HIVEP1: variants seen among roughly 807,000 people sequenced by gnomAD.
HIVEP1 encodes zinc finger protein 40.
Under a neutral mutation model 180.0 loss-of-function variants are expected in HIVEP1, and 36 were observed. The observed-to-expected ratio is 0.20, with a 90% CI of 0.15 to 0.26. The LOEUF is 0.26. Among genes scored for constraint, HIVEP1 ranks in the 10% least tolerant of loss-of-function variants. The pLI is 1.00. For synonymous variants in HIVEP1, 1,239 were observed against 1,239.0 expected (o/e 1.00, Z 0.00); for missense variants, 3,143 against 3,268.7 (o/e 0.96, Z 0.94).
At chr6:12,022,316 T>A (rs1349409638) in intron 2 of HIVEP1, among the ~76,000 whole-genome samples, 1 of 151,912 alleles carries the variant, frequency 6.6e-6, no homozygotes, top group Non-Finnish European at 1.5e-5. Flanking sequence ...GACTACAGGC[T>A]CCTGCCACCG....
At chr6:12,047,577 G>A (rs1770224063) in intron 2 of HIVEP1, among the ~76,000 whole-genome samples, 1 of 152,252 alleles carries the variant, frequency 6.6e-6, no homozygotes, top group Non-Finnish European at 1.5e-5. Flanking sequence ...CTGGAGCAGA[G>A]GTGCTACTCA....
chr6:12,037,964 G>T (rs751824279), intron 2 of HIVEP1: 19 of 386,422 alleles, frequency 4.9e-5, no homozygotes, highest in Non-Finnish European at 7.8e-5. Context: ...AACCTCCTGT[G>T]TTGGCCCCCC....
the HIVEP1 span, among the ~76,000 whole-genome samples, chr6:12,186,767 C>T: frequency 0.018 from 2,666 of 151,874 alleles, 96 homozygotes; most frequent in African/African-American, 0.061. Context: ...GACCAAATAC[C>T]CAGGAGAAAA....
At chr6:12,141,134 C>T (rs1455907387) in intron 7 of HIVEP1, among the ~76,000 whole-genome samples, 1 of 152,060 alleles carries the variant, frequency 6.6e-6, no homozygotes, top group Non-Finnish European at 1.5e-5. Flanking sequence ...GTCGGGTCAC[C>T]CACAAAGGGA....
chr6:12,076,240 G>A (rs1303307971), intron 2 of HIVEP1, among the ~76,000 whole-genome samples: 1 of 152,012 alleles, frequency 6.6e-6, no homozygotes, highest in East Asian at 1.9e-4. Flanking sequence ...TACATTTGTT[G>A]CCTAACATAT....
Position 12,122,575 on chromosome 6 carries a change from A to G in HIVEP1, c.2780A>G (p.His927Arg), listed in dbSNP as rs1465927826. 6.2e-7 allele frequency: 1 copy of G among 1,614,116 alleles called. No homozygotes were observed. Among genetic ancestry groups the G allele is most frequent in the African/African-American group, 1.3e-5 (1 of 74,942 alleles). The change falls in exon 4 of 9, where the codon CAT becomes CGT. Residue 927 changes from histidine (H) to arginine (R), a missense_variant. Transcript: ENST00000379388. ...QSLDESHQGC[H>R]AAGEAMSVRS... ...CTGGATGAGAGCCACCAAGGATGCC[A>G]TGCTGCTGGTGAAGCCATGTCAGTG...
intron 2 of HIVEP1, among the ~76,000 whole-genome samples, chr6:12,021,511 C>G (rs1373453887): frequency 6.6e-6 from 1 of 152,180 alleles, no homozygotes; most frequent in Non-Finnish European, 1.5e-5. Flanking sequence ...CAGACATGCC[C>G]TGGGTCTCCT....
chr6:12,120,329 A>G lies in HIVEP1; in HGVS notation c.534A>G (p.Glu178=), dbSNP rs370718464. 6.2e-7 allele frequency: 1 copy of G among 1,614,094 alleles called. No individual in the cohort carries two copies. Among genetic ancestry groups the G allele is most frequent in the African/African-American group, 1.3e-5 (1 of 74,936 alleles). ...LSSKTRTDNS[E]CISSHCGTTS... ...GTAAAACCAGGACTGACAATAGCGA[A>G]TGCATCTCTTCTCATTGTGGCACTA... Residue 178 remains glutamate (E), a synonymous_variant, in exon 4 of 9, where the codon GAA becomes GAG. Transcript: ENST00000379388.
chr6:12,050,588 A>G (rs1395312444), intron 2 of HIVEP1, among the ~76,000 whole-genome samples: 1 of 151,388 alleles, frequency 6.6e-6, no homozygotes, highest in Non-Finnish European at 1.5e-5. Context: ...TCCGTCTCAA[A>G]AAAAAAAAAA....
At chr6:12,051,075 C>T (rs1285404399) in intron 2 of HIVEP1, among the ~76,000 whole-genome samples, 2 of 140,628 alleles carry the variant, frequency 1.4e-5, no homozygotes, top group African/African-American at 5.2e-5. Context: ...TTTACTTCAC[C>T]TCTTGGATCT....
chr6:12,136,617 T>C (rs1247586301), intron 7 of HIVEP1, among the ~76,000 whole-genome samples: 1 of 152,246 alleles, frequency 6.6e-6, no homozygotes, highest in Non-Finnish European at 1.5e-5. Context: ...GTGCTTAACG[T>C]GTGCTCACCA....
chr6:12,211,947 A>T, the HIVEP1 span, among the ~76,000 whole-genome samples: 4 of 152,192 alleles, frequency 2.6e-5, no homozygotes, highest in African/African-American at 9.7e-5. Context: ...AAGCAAGATG[A>T]TATATAGCAA....
At chr6:12,043,503 A>G (rs1436893611) in intron 2 of HIVEP1, among the ~76,000 whole-genome samples, 1 of 151,830 alleles carries the variant, frequency 6.6e-6, no homozygotes, top group Non-Finnish European at 1.5e-5. Context: ...CTGGGATTAC[A>G]GGACAGGCTC....
the HIVEP1 span, among the ~76,000 whole-genome samples, chr6:12,190,098 A>T: frequency 0.24 from 36,325 of 152,066 alleles, 5,352 homozygotes; most frequent in Non-Finnish European, 0.33. Flanking sequence ...ACACATCTCT[A>T]CTCTTATCCT....
intron 4 of HIVEP1, among the ~76,000 whole-genome samples, chr6:12,129,346 CA>C (rs1393042718): frequency 6.6e-6 from 1 of 152,066 alleles, no homozygotes; most frequent in African/African-American, 2.4e-5. Context: ...ATTATTTTAC[CA>C]AAAGGAGTAG....
Position 12,121,064 on chromosome 6 carries a change from G to A in HIVEP1, c.1269G>A (p.Lys423=). The stretch of plus-strand genomic sequence containing the variant: ...GTGCAAAGCCTAGTGTGCTTTTAAA[G>A]CATATCCGCTCCCACACTGGAGAGC... The part of the protein sequence containing the change: ...RACAKPSVLL[K]HIRSHTGERP... The change falls in exon 4 of 9, where the codon AAG becomes AAA. Residue 423 remains lysine, a synonymous_variant. Coordinates refer to ENST00000379388, the MANE Select transcript of HIVEP1 (RefSeq NM_002114.4). The surrounding 1 kb of genome is among the most constrained non-coding windows in gnomAD (Gnocchi z 5.3). 1.2e-6 allele frequency: 2 copies of A among 1,614,192 alleles called. No homozygotes were observed. Among genetic ancestry groups the A allele is most frequent in the South Asian group, 2.2e-5 (2 of 91,090 alleles).
At chr6:12,077,793 T>C (rs912157278) in intron 2 of HIVEP1, among the ~76,000 whole-genome samples, 2 of 152,218 alleles carry the variant, frequency 1.3e-5, no homozygotes, top group Admixed American at 6.5e-5. Context: ...TGCCTCTCAG[T>C]CTCCCTCTTC....
chr6:12,009,044 G>A (rs560404414), upstream of HIVEP1, among the ~76,000 whole-genome samples: 77 of 151,368 alleles, frequency 5.1e-4, no homozygotes, highest in East Asian at 0.014. Flanking sequence ...GGCGGAGGGC[G>A]GAGGGCCGAG....
rs1357235921 is a variant in HIVEP1, at chr6:12,122,642, G to A, written c.2847G>A (p.Lys949=). The A allele has an allele frequency of 6.2e-7, 1 of 1,613,776 alleles. No individual in the cohort carries two copies. The highest frequency in any genetic ancestry group is 8.5e-7 in the Non-Finnish European group (1 of 1,179,824). Reference sequence around the variant, plus strand: ...CACAAGGCCCACATATAGAAAAAAAGAAGTCTCATCAAGGGCGAGGGACAA... The same window carrying A: ...CACAAGGCCCACATATAGAAAAAAAAAAGTCTCATCAAGGGCGAGGGACAA... ...ALAQGPHIEK[K]KSHQGRGTMF... Residue 949 remains lysine (K), a synonymous_variant, in exon 4 of 9, where the codon AAG becomes AAA. Transcript: ENST00000379388.
Sources: gnomAD v4.1 joint callset for allele counts (sites outside exome capture counted in the v4.1 genomes callset) on GRCh38, gnomAD v4.1.1 for gene constraint, Gnocchi (gnomAD v3.1) non-coding constraint, MANE v1.5 for transcripts, NCBI Gene and HGNC (gene_info 2026-07-23, HGNC 2026-07-21) for gene names.